The following SENP1 variants were observed in gnomAD, a reference collection of about 807,000 sequenced individuals.
SENP1 encodes the protein SUMO specific peptidase 1.
SENP1 carries 21 observed loss-of-function variants against 93.0 expected under a neutral mutation model. That is an observed-to-expected ratio of 0.23 (90% confidence interval 0.16 to 0.33). The LOEUF (loss-of-function observed/expected upper bound fraction) is 0.33, where lower values mean the gene tolerates loss of function less well. Ranked by LOEUF, SENP1 falls within the 10% of genes least tolerant of loss-of-function variation. The probability of loss-of-function intolerance (pLI) is 1.00; values close to 1 mark genes in which losing one functional copy is unlikely to be tolerated. For synonymous variants in SENP1, 256 were observed against 259.6 expected (o/e 0.99, Z 0.13); for missense variants, 591 against 758.7 (o/e 0.78, Z 2.60).
intron 13 of SENP1, among the ~76,000 whole-genome samples, chr12:48,055,972 T>A (rs1222449097): frequency 7.4e-6 from 1 of 134,274 alleles, no homozygotes; most frequent in Non-Finnish European, 1.5e-5. Context: ...TATCAATATA[T>A]AATTTAATAC....
At chr12:48,104,281 A>G (rs1441173088) in intron 1 of SENP1, among the ~76,000 whole-genome samples, 334 of 61,816 alleles carry the variant, frequency 5.4e-3, no homozygotes, top group Non-Finnish European at 6.2e-3. Context: ...GGGCGGAGGG[A>G]GGGAGAGAGA....
intron 13 of SENP1, among the ~76,000 whole-genome samples, chr12:48,062,138 T>A (rs1451402833): frequency 6.6e-6 from 1 of 152,124 alleles, no homozygotes; most frequent in South Asian, 2.1e-4. Flanking sequence ...TAGCAAGAAC[T>A]CAGCTCATAT....
At chr12:48,086,836 C>T (rs1172334302) in intron 5 of SENP1, among the ~76,000 whole-genome samples, 2 of 152,030 alleles carry the variant, frequency 1.3e-5, no homozygotes, top group East Asian at 1.9e-4. Flanking sequence ...GTCTGGAGTT[C>T]GAGACTAGCC....
Position 48,043,758 on chromosome 12 carries a change from T to C in SENP1, c.*1564A>G, listed in dbSNP as rs1941159520. 1 of 152,588 alleles carries C rather than the reference T, an allele frequency of 6.6e-6. No homozygotes were observed. Among genetic ancestry groups the C allele is most frequent in the African/African-American group, 2.4e-5 (1 of 41,432 alleles). 9.5% of individuals were successfully genotyped at this position (152,588 alleles called of 1,614,324 possible). A position where few individuals can be genotyped will look rare whatever the true frequency, so the allele number is the denominator to read the frequency against. ...TGGAGTGGAAACAGTAACATTCAGT[T>C]AACAATGGAATATTTAAAAAAAATA... On this transcript the variant is annotated 3_prime_UTR_variant, in exon 18 of 18. Transcript: ENST00000549518.
chr12:48,046,993 G>C lies in SENP1; in HGVS notation c.1761C>G (p.Phe587Leu). ...TGAAAGGTACCTGGCTTTTCTTGCT[G>C]AAAAGCTGCCAGCCATTGGTGTCAA... ...KEFDTNGWQL[F>L]SKKSQEIPQQ... The change falls in exon 16 of 18, where the codon TTC becomes TTG. Residue 587 changes from phenylalanine to leucine, a missense_variant. Physicochemically the swap from Phe to Leu is conservative, Grantham distance 22. This residue lies in a region of SENP1 where 132 missense variants were observed against 230.1 expected (regional missense o/e 0.57). Coordinates refer to ENST00000549518, the MANE Select transcript of SENP1 (RefSeq NM_001267594.2). The C allele has an allele frequency of 6.2e-7, 1 of 1,611,670 alleles. No individual in the cohort carries two copies. The highest frequency in any genetic ancestry group is 8.5e-7 in the Non-Finnish European group (1 of 1,178,136).
At chr12:48,085,019 G>A in intron 5 of SENP1, 1 of 969,518 alleles carries the variant, frequency 1.0e-6, no homozygotes, top group Non-Finnish European at 1.5e-6. Flanking sequence ...GGAAATGAGA[G>A]TGGCTTCTGG....
chr12:48,047,930 T>C (rs971524572), intron 15 of SENP1, 71 bp downstream of exon 15: 2 of 943,754 alleles, frequency 2.1e-6, no homozygotes, highest in African/African-American at 3.3e-5. Context: ...ATCAAACAAC[T>C]GAGTTCAATT....
rs886878478 is a variant in SENP1, at chr12:48,106,058, T to A, written c.-75A>T. 2 of 702,136 alleles carry A rather than the reference T, an allele frequency of 2.8e-6. No individual in the cohort carries two copies. Among genetic ancestry groups the A allele is most frequent in the Non-Finnish European group, 5.2e-6 (2 of 384,744 alleles). 43.5% of individuals were successfully genotyped at this position (702,136 alleles called of 1,614,324 possible). On this transcript the variant is annotated 5_prime_UTR_variant, in exon 1 of 18. Transcript: ENST00000549518. ...CGGAACCGGCTGCCATGCGAAGGGG[T>A]TTCCGGCCGGGCGCGGAACGCAAAA...
At chr12:48,066,121 G>A (rs760536013) in intron 10 of SENP1, among the ~76,000 whole-genome samples, 1 of 152,140 alleles carries the variant, frequency 6.6e-6, no homozygotes, top group Non-Finnish European at 1.5e-5. Context: ...TAGTGAAAGC[G>A]AAACTTCAGT....
intron 4 of SENP1, among the ~76,000 whole-genome samples, chr12:48,092,823 CA>C (rs1237393056): frequency 1.3e-5 from 2 of 152,040 alleles, no homozygotes; most frequent in African/African-American, 4.8e-5. Flanking sequence ...AGTAGAAAGC[CA>C]AGGAATCTGG....
chr12:48,089,805 G>T (rs1945107349), intron 4 of SENP1, among the ~76,000 whole-genome samples: 2 of 152,114 alleles, frequency 1.3e-5, no homozygotes, highest in South Asian at 2.1e-4. Flanking sequence ...GAAAACACAA[G>T]AATAATAATT....
At chr12:48,082,548 T>G (rs778570516) in intron 6 of SENP1, among the ~76,000 whole-genome samples, 1 of 151,228 alleles carries the variant, frequency 6.6e-6, no homozygotes, top group Non-Finnish European at 1.5e-5. Flanking sequence ...ACGTGGAAAG[T>G]ACACTGGAAG....
chr12:48,102,546 G>C (rs1946021825), intron 1 of SENP1, among the ~76,000 whole-genome samples: 1 of 151,518 alleles, frequency 6.6e-6, no homozygotes. Context: ...AAGAGGAGGA[G>C]GCTACTAGGG....
chr12:48,055,555 GC>G (rs1942178649), intron 13 of SENP1: 1 of 151,992 alleles, frequency 6.6e-6, no homozygotes, highest in Admixed American at 6.6e-5. Context: ...CCCAAGGATA[GC>G]CAATATCTGC....
Position 48,053,048 on chromosome 12 carries a change from C to A in SENP1, c.1408-3916G>T, listed in dbSNP as rs1171258256. The stretch of plus-strand genomic sequence containing the variant: ...CTAAGGCTAGGTTTGTCTGGTTGAA[C>A]TTAATGTTTTGCAGGTTGTTTCCTC... On this transcript the variant is annotated intron_variant, in intron 13 of 17. Transcript: ENST00000549518. Among the ~76,000 whole-genome samples, 3 of 152,166 alleles carry A rather than the reference C, an allele frequency of 2.0e-5. No homozygotes were observed. The East Asian group carries it at 5.8e-4, about 29-fold the overall frequency.
rs529325760 is a variant in SENP1, at chr12:48,104,474, T to A, written c.-45+1554A>T. ...GTTTGAGGTTCTTTCCTTCTATTTTTACATGTAATCTCTCCCAATCACTCT... is the reference window on the plus strand; with the variant it reads ...GTTTGAGGTTCTTTCCTTCTATTTTAACATGTAATCTCTCCCAATCACTCT... On this transcript the variant is annotated intron_variant, in intron 1 of 17. Transcript: ENST00000549518. 1.3e-3 allele frequency among the ~76,000 whole-genome samples: 203 copies of A among 152,322 alleles called. No homozygotes were observed. The Middle Eastern group carries it at 0.014, about 10-fold the overall frequency.
rs1946554032 is a variant in SENP1, at chr12:48,106,046, C to T, written c.-63G>A. The T allele has an allele frequency of 1.4e-6, 1 of 702,058 alleles. No individual in the cohort carries two copies. The highest frequency in any genetic ancestry group is 2.6e-6 in the Non-Finnish European group (1 of 384,762). The allele number at this position is 702,058 out of a possible 1,614,324, so 43.5% of individuals were successfully genotyped here. On this transcript the variant is annotated 5_prime_UTR_variant, in exon 1 of 18. An upstream start codon of the reference 5' UTR is lost. Coordinates refer to ENST00000549518, the MANE Select transcript of SENP1 (RefSeq NM_001267594.2). Reference sequence around the variant, plus strand: ...CACTCACCGAACCGGAACCGGCTGCCATGCGAAGGGGTTTCCGGCCGGGCG... The same window carrying T: ...CACTCACCGAACCGGAACCGGCTGCTATGCGAAGGGGTTTCCGGCCGGGCG...
intron 13 of SENP1, among the ~76,000 whole-genome samples, chr12:48,051,265 A>G (rs1941795599): frequency 6.6e-6 from 1 of 152,164 alleles, no homozygotes. Flanking sequence ...CTGAACAAGA[A>G]CAGAGAACCC....
chr12:48,074,083 A>T (rs926502535), intron 8 of SENP1, among the ~76,000 whole-genome samples: 15 of 152,192 alleles, frequency 9.9e-5, no homozygotes, highest in African/African-American at 3.6e-4. Flanking sequence ...GAATATTTGC[A>T]TTATACAATT....
Sources: gnomAD v4.1 joint callset for allele counts (sites outside exome capture counted in the v4.1 genomes callset) on GRCh38, gnomAD v4.1.1 for gene constraint, gnomAD v4.1.1 regional missense constraint, MANE v1.5 for transcripts, NCBI Gene and HGNC (gene_info 2026-07-23, HGNC 2026-07-21) for gene names.